Variants in NDST4 observed in about 807,000 individuals in gnomAD.
NDST4 encodes N-deacetylase and N-sulfotransferase 4.
NDST4 carries 63 observed loss-of-function variants against 100.8 expected under a neutral mutation model. The observed-to-expected ratio is 0.62, with a 90% CI of 0.51 to 0.77. The LOEUF is 0.77. Ranked by LOEUF, NDST4 falls within the 30% of genes least tolerant of loss-of-function variation. NDST4 has a pLI of 0.00. For missense variants in NDST4, 943 were observed against 1,018.4 expected (o/e 0.93, Z 1.01); for synonymous variants, 377 against 361.8 (o/e 1.04, Z -0.48).
chr4:114,911,034 A>T (rs1014492204), intron 6 of NDST4, among the ~76,000 whole-genome samples: 1 of 152,162 alleles, frequency 6.6e-6, no homozygotes, highest in Non-Finnish European at 1.5e-5. Context: ...TCCATTCACT[A>T]ATCAGATTGT....
chr4:114,941,170 G>C (rs1199968766), intron 4 of NDST4, among the ~76,000 whole-genome samples: 1 of 152,136 alleles, frequency 6.6e-6, no homozygotes. Context: ...TAATCATTCT[G>C]TGAGGAGGAC....
intron 2 of NDST4, among the ~76,000 whole-genome samples, chr4:115,039,759 A>G (rs1011140530): frequency 6.6e-6 from 1 of 152,132 alleles, no homozygotes; most frequent in East Asian, 1.9e-4. Context: ...ACATTTACCT[A>G]AGAAAAGAGG....
At chr4:114,954,632 G>C (rs1726094375) in intron 4 of NDST4, among the ~76,000 whole-genome samples, 1 of 152,114 alleles carries the variant, frequency 6.6e-6, no homozygotes, top group Non-Finnish European at 1.5e-5. Context: ...ATTGACACAA[G>C]ATAATGTTAC....
chr4:114,974,659 T>C (rs1343205855), intron 3 of NDST4, among the ~76,000 whole-genome samples: 3 of 152,170 alleles, frequency 2.0e-5, no homozygotes, highest in East Asian at 3.8e-4. Context: ...TCCGTGCTTT[T>C]ATTTTTTTCC....
In NDST4 at chr4:114,976,595, A is replaced by G. The variant is rs149327099; in HGVS notation, c.1066+592T>C. On this transcript the variant is annotated intron_variant, in intron 3 of 13. Transcript: ENST00000264363. ...AGAGGGTGAGACTGAACATAAGTAC[A>G]ATTGTGGCTGGATAGAGATGGAAAG... Among the ~76,000 whole-genome samples the G allele has an allele frequency of 1.1e-3, 166 of 152,104 alleles. 1 individual carries two copies. Among genetic ancestry groups the G allele is most frequent in the African/African-American group, 3.9e-3 (162 of 41,556 alleles).
intron 1 of NDST4, among the ~76,000 whole-genome samples, chr4:115,103,539 T>C (rs1161995654): frequency 6.6e-6 from 1 of 152,166 alleles, no homozygotes; most frequent in Non-Finnish European, 1.5e-5. Context: ...ATATATTTAA[T>C]AAACCCTGTA....
chr4:114,969,236 C>T (rs1380360381), intron 4 of NDST4, among the ~76,000 whole-genome samples: 1 of 147,566 alleles, frequency 6.8e-6, no homozygotes, highest in African/African-American at 2.5e-5. Context: ...ATGGCGTGAA[C>T]CCGGGAGGCG....
chr4:114,915,217 C>G (rs1290348561), intron 6 of NDST4, among the ~76,000 whole-genome samples: 1 of 152,102 alleles, frequency 6.6e-6, no homozygotes, highest in Non-Finnish European at 1.5e-5. Context: ...TGTGGCCTCT[C>G]TGGTCTGTAG....
chr4:115,019,745 A>C (rs1347431013), intron 2 of NDST4, among the ~76,000 whole-genome samples: 1 of 152,162 alleles, frequency 6.6e-6, no homozygotes, highest in Non-Finnish European at 1.5e-5. Flanking sequence ...TGATCAGGGC[A>C]TAAGGGCTCT....
At chr4:114,957,284 C>T (rs533421067) in intron 4 of NDST4, among the ~76,000 whole-genome samples, 2 of 152,258 alleles carry the variant, frequency 1.3e-5, no homozygotes, top group African/African-American at 2.4e-5. Flanking sequence ...GGTCTCACAA[C>T]TATGGCAGAA....
At position 115,008,188 on chromosome 4, in the gene NDST4, C is replaced by A. The variant is rs183800467; in HGVS notation, c.979-30914G>T. Among the ~76,000 whole-genome samples the A allele has an allele frequency of 2.4e-3, 311 of 129,438 alleles. 74 individuals are homozygous for A. Among genetic ancestry groups the A allele is most frequent in the Non-Finnish European group, 4.0e-3 (244 of 60,380 alleles). 84.9% of individuals were successfully genotyped at this position (129,438 alleles called of 152,430 possible). On this transcript the variant is annotated intron_variant, in intron 2 of 13. Transcript: ENST00000264363. ...GCCGGTCTGTGTCTTTTAATTGGAG[C>A]ATTTAGGCCATTTACATTTAAAGTT... is the stretch of plus-strand genomic sequence containing the variant.
intron 6 of NDST4, among the ~76,000 whole-genome samples, chr4:114,895,032 G>A (rs1724682893): frequency 6.6e-6 from 1 of 152,084 alleles, no homozygotes; most frequent in South Asian, 2.1e-4. Flanking sequence ...ACATCAGAAA[G>A]CTAGAAAGCT....
intron 11 of NDST4, among the ~76,000 whole-genome samples, chr4:114,838,689 G>C (rs1723355668): frequency 6.6e-6 from 1 of 152,106 alleles, no homozygotes; most frequent in Admixed American, 6.5e-5. Flanking sequence ...CAAGGCGAGG[G>C]ATAGCATTAG....
chr4:115,081,380 A>G (rs1729299809), intron 1 of NDST4, among the ~76,000 whole-genome samples: 1 of 152,130 alleles, frequency 6.6e-6, no homozygotes, highest in South Asian at 2.1e-4. Flanking sequence ...CCTATGTCTC[A>G]CACCTGAAGT....
At chr4:115,102,704 C>CTTTTTTTTTTTTTTT (rs751431042) in intron 1 of NDST4, among the ~76,000 whole-genome samples, 3 of 90,578 alleles carry the variant, frequency 3.3e-5, no homozygotes, top group African/African-American at 9.6e-5. Context: ...TTCTGACTTC[C>CTTTTTTTTTTTTTTT]TTTTTTTTTT....
chr4:114,916,474 C>T (rs1725169445), intron 6 of NDST4, among the ~76,000 whole-genome samples: 1 of 150,640 alleles, frequency 6.6e-6, no homozygotes, highest in Non-Finnish European at 1.5e-5. Context: ...TATTCTTCTT[C>T]AATTAAAGTA....
At chr4:114,921,281 A>G (rs1578389812) in intron 6 of NDST4, among the ~76,000 whole-genome samples, 1 of 152,208 alleles carries the variant, frequency 6.6e-6, no homozygotes, top group East Asian at 1.9e-4. Context: ...TGGAATAAAA[A>G]ATAATGATGG....
At chr4:115,039,893 A>C (rs1728314454) in intron 2 of NDST4, among the ~76,000 whole-genome samples, 1 of 152,124 alleles carries the variant, frequency 6.6e-6, no homozygotes, top group Non-Finnish European at 1.5e-5. Flanking sequence ...AAGAGCTCAA[A>C]TAATTCATTT....
intron 2 of NDST4, among the ~76,000 whole-genome samples, chr4:114,994,497 G>T (rs1727117712): frequency 6.6e-6 from 1 of 151,976 alleles, no homozygotes; most frequent in Non-Finnish European, 1.5e-5. Context: ...TGTATGGGAT[G>T]AATGCTAGTA....
Sources: allele counts gnomAD v4.1 joint callset (sites outside exome capture counted in the v4.1 genomes callset), GRCh38; gene constraint gnomAD v4.1.1; transcripts MANE v1.5; gene names NCBI Gene and HGNC (gene_info 2026-07-23, HGNC 2026-07-21).